Variants in HS3ST4 observed in about 807,000 individuals in gnomAD.
The protein encoded by HS3ST4 is heparan sulfate-glucosamine 3-sulfotransferase 4.
Under a neutral mutation model 29.2 loss-of-function variants are expected in HS3ST4, and 17 were observed. The ratio of observed to expected loss-of-function variants is 0.58; its 90% CI spans 0.40 to 0.87. The LOEUF (loss-of-function observed/expected upper bound fraction) is 0.87, where lower values mean the gene tolerates loss of function less well. Among genes scored for constraint, HS3ST4 ranks in the 40% least tolerant of loss-of-function variants. The pLI is 0.00. For synonymous variants in HS3ST4, 314 were observed against 285.7 expected (o/e 1.10, Z -1.00); for missense variants, 627 against 634.5 (o/e 0.99, Z 0.13).
chr16:26,111,191 G>A (rs7193619), intron 1 of HS3ST4, among the ~76,000 whole-genome samples: 86,082 of 151,458 alleles, frequency 0.57, 24,954 homozygotes, highest in Non-Finnish European at 0.64. Flanking sequence ...TCTTCCTCCC[G>A]CCTCAGCCTC....
Position 26,005,793 on chromosome 16 carries a change from G to A in HS3ST4, c.735-129819G>A, listed in dbSNP as rs1258675484. 5.3e-5 allele frequency among the ~76,000 whole-genome samples: 8 copies of A among 151,766 alleles called. No individual in the cohort carries two copies. The East Asian group carries it at 1.5e-3, about 29-fold the overall frequency. ...GCTTGAGAGACCACTAGTTAGACCA[G>A]GATTTCTCAACTCTGGCACTATTAC... On this transcript the variant is annotated intron_variant, in intron 1 of 1. Coordinates refer to ENST00000331351, the MANE Select transcript of HS3ST4 (RefSeq NM_006040.3).
At chr16:26,107,727 TCTC>T (rs1246916165) in intron 1 of HS3ST4, among the ~76,000 whole-genome samples, 1 of 152,178 alleles carries the variant, frequency 6.6e-6, no homozygotes, top group East Asian at 1.9e-4. Flanking sequence ...ATGATTTCAT[TCTC>T]CTTATGGCTG....
At position 26,136,226 on chromosome 16, in the gene HS3ST4, A is replaced by G. The variant is rs1031809760; in HGVS notation, c.1349A>G (p.Glu450Gly). Residue 450 changes from glutamate to glycine, a missense_variant, in exon 2 of 2, where the codon GAA becomes GGA. Glu to Gly is a moderately conservative substitution (Grantham distance 98). Around this residue, in one of 2 missense-constraint regions of HS3ST4, gnomAD observed 225 missense variants for 293.7 expected, o/e 0.77. Transcript: ENST00000331351. ...YQMTGQDFQW[E>G]QEEGDK is the part of the protein sequence containing the mutation. ...ATGACTGGTCAAGATTTTCAGTGGG[A>G]ACAGGAAGAGGGTGATAAATGAGGC... 10 of 1,612,908 alleles carry G rather than the reference A, an allele frequency of 6.2e-6. No homozygotes were observed. The highest frequency in any genetic ancestry group is 8.5e-6 in the Non-Finnish European group (10 of 1,179,690).
chr16:25,706,998 G>A (rs909556138), intron 1 of HS3ST4, among the ~76,000 whole-genome samples: 2 of 152,262 alleles, frequency 1.3e-5, no homozygotes, highest in East Asian at 3.9e-4. Flanking sequence ...GACATCTTGC[G>A]CTGTCCTGCT....
chr16:25,782,888 A>T (rs1024393356), intron 1 of HS3ST4, among the ~76,000 whole-genome samples: 16 of 152,322 alleles, frequency 1.1e-4, no homozygotes, highest in Middle Eastern at 3.4e-3. Flanking sequence ...TTAATAGTTT[A>T]AAAAATCCTT....
At chr16:26,035,390 A>G (rs200268649) in intron 1 of HS3ST4, among the ~76,000 whole-genome samples, 1 of 152,160 alleles carries the variant, frequency 6.6e-6, no homozygotes, top group Non-Finnish European at 1.5e-5. Flanking sequence ...TTTACATCCA[A>G]CTGCCTCTAA....
intron 1 of HS3ST4, among the ~76,000 whole-genome samples, chr16:25,885,862 A>G (rs1357999067): frequency 2.0e-5 from 3 of 152,064 alleles, no homozygotes; most frequent in African/African-American, 7.2e-5. Context: ...TAAACATAAT[A>G]CGATGAGAAG....
At chr16:25,749,049 G>T (rs1435130085) in intron 1 of HS3ST4, among the ~76,000 whole-genome samples, 2 of 152,146 alleles carry the variant, frequency 1.3e-5, no homozygotes, top group African/African-American at 4.8e-5. Context: ...GCCCATCTTG[G>T]TATTTCCCAA....
At chr16:25,810,230 A>G (rs944508039) in intron 1 of HS3ST4, among the ~76,000 whole-genome samples, 4 of 151,598 alleles carry the variant, frequency 2.6e-5, no homozygotes, top group African/African-American at 9.7e-5. Context: ...AATTATTTAG[A>G]AGTGTGGTGT....
intron 1 of HS3ST4, among the ~76,000 whole-genome samples, chr16:26,061,500 C>T (rs185365869): frequency 6.6e-6 from 1 of 152,254 alleles, no homozygotes; most frequent in African/African-American, 2.4e-5. Flanking sequence ...CAATTATGAT[C>T]AGGAGGTGGG....
intron 1 of HS3ST4, among the ~76,000 whole-genome samples, chr16:25,957,748 A>C (rs1039382498): frequency 6.6e-6 from 1 of 152,174 alleles, no homozygotes; most frequent in Non-Finnish European, 1.5e-5. Context: ...CATGCACTTT[A>C]AATCACAAAA....
At position 26,071,381 on chromosome 16, in the gene HS3ST4, G is replaced by A. The variant is rs577877630; in HGVS notation, c.735-64231G>A. Among the ~76,000 whole-genome samples, 29 of 152,262 alleles carry A rather than the reference G, an allele frequency of 1.9e-4. No homozygotes were observed. In the South Asian group the frequency reaches 5.4e-3, roughly 28 times the overall value. The stretch of plus-strand genomic sequence containing the variant: ...TAGGACTGAAGAAGGAGGACAGGAA[G>A]CAAGGGGTTGAGGAATCTAAGTCCA... On this transcript the variant is annotated intron_variant, in intron 1 of 1. Coordinates refer to ENST00000331351, the MANE Select transcript of HS3ST4 (RefSeq NM_006040.3).
At chr16:26,074,663 A>C (rs894911943) in intron 1 of HS3ST4, among the ~76,000 whole-genome samples, 2 of 150,080 alleles carry the variant, frequency 1.3e-5, no homozygotes, top group Non-Finnish European at 3.0e-5. Flanking sequence ...GAATATACAC[A>C]TTTTTTTTTT....
chr16:25,875,173 A>G (rs1256723395), intron 1 of HS3ST4, among the ~76,000 whole-genome samples: 1 of 152,174 alleles, frequency 6.6e-6, no homozygotes, highest in Non-Finnish European at 1.5e-5. Flanking sequence ...AACCAAGACA[A>G]GTCCAGATAA....
chr16:25,743,227 T>TGCA (rs1336574077), intron 1 of HS3ST4, among the ~76,000 whole-genome samples: 1 of 152,238 alleles, frequency 6.6e-6, no homozygotes, highest in Non-Finnish European at 1.5e-5. Flanking sequence ...TGGCTGTGCA[T>TGCA]GCATCTTCTT....
At chr16:25,783,131 T>G (rs11074723) in intron 1 of HS3ST4, among the ~76,000 whole-genome samples, 48,916 of 152,012 alleles carry the variant, frequency 0.32, 8,526 homozygotes, top group Non-Finnish European at 0.41. Context: ...TTTTTTTTTC[T>G]TTTTATTTTG....
At chr16:25,911,778 G>A (rs4787784) in intron 1 of HS3ST4, among the ~76,000 whole-genome samples, 52,142 of 151,776 alleles carry the variant, frequency 0.34, 9,619 homozygotes, top group East Asian at 0.65. Flanking sequence ...CAAAGCGCTG[G>A]GATTACAGGT....
At chr16:25,986,248 T>G (rs907424654) in intron 1 of HS3ST4, among the ~76,000 whole-genome samples, 3 of 152,230 alleles carry the variant, frequency 2.0e-5, no homozygotes, top group Non-Finnish European at 4.4e-5. Flanking sequence ...GGAGAGTAGG[T>G]TGCTTCTGTT....
chr16:25,716,315 A>G (rs552576337), intron 1 of HS3ST4, among the ~76,000 whole-genome samples: 1 of 152,212 alleles, frequency 6.6e-6, no homozygotes, highest in Non-Finnish European at 1.5e-5. Context: ...TGGAATAAAG[A>G]CTACATTTCC....
Sources: gnomAD v4.1 joint callset for allele counts (sites outside exome capture counted in the v4.1 genomes callset) on GRCh38, gnomAD v4.1.1 for gene constraint, gnomAD v4.1.1 regional missense constraint, MANE v1.5 for transcripts, NCBI Gene and HGNC (gene_info 2026-07-23, HGNC 2026-07-21) for gene names.